Variants in COL6A3 observed in about 807,000 individuals in gnomAD.
COL6A3 encodes collagen type VI alpha 3 chain, also known as collagen alpha-3(VI) chain.
COL6A3 carries 137 observed loss-of-function variants against 274.1 expected under a neutral mutation model. The observed-to-expected ratio is 0.50, with a 90% CI of 0.44 to 0.58. COL6A3 has a LOEUF of 0.58. Among genes scored for constraint, COL6A3 ranks in the 20% least tolerant of loss-of-function variants. The pLI is 0.00. For synonymous variants in COL6A3, 1,650 were observed against 1,650.6 expected, an observed-to-expected ratio of 1.00 and a Z score of 0.01; for missense variants, 3,950 against 4,124.9, an observed-to-expected ratio of 0.96 and a Z score of 1.16.
At chr2:237,384,902 C>T (rs1668292789) in intron 4 of COL6A3, among the ~76,000 whole-genome samples, 1 of 152,142 alleles carries the variant, frequency 6.6e-6, no homozygotes, top group African/African-American at 2.4e-5. Flanking sequence ...GAACCTCAGG[C>T]TCCCTGTCCA....
chr2:237,336,773 C>A (rs1700574597), intron 39 of COL6A3, among the ~76,000 whole-genome samples: 2 of 152,058 alleles, frequency 1.3e-5, no homozygotes, highest in South Asian at 4.1e-4. Context: ...TATTGTTCTA[C>A]AAAAACATCT....
chr2:237,399,156 C>T (rs75982045), intron 1 of COL6A3, among the ~76,000 whole-genome samples: 397 of 152,254 alleles, frequency 2.6e-3, no homozygotes, highest in African/African-American at 9.0e-3. Context: ...GAAAACCCCA[C>T]GATTCCATAG....
chr2:237,388,257 A>C, intron 3 of COL6A3, 73 bp from the exon 4 acceptor site: 1 of 1,596,520 alleles, frequency 6.3e-7, no homozygotes, highest in Non-Finnish European at 8.6e-7. Context: ...CAGTGTTCTG[A>C]CATGTTTCTT....
At chr2:237,366,639 C>A (rs1238309189) in intron 11 of COL6A3, 48 bp downstream of exon 11, 2 of 1,614,034 alleles carry the variant, frequency 1.2e-6, no homozygotes, top group Admixed American at 1.7e-5. Context: ...TAAAGAGGCA[C>A]AAATGTCAAC....
Position 237,384,601 on chromosome 2 carries a change from C to A in COL6A3, c.1312+2981G>T, listed in dbSNP as rs139008893. Among the ~76,000 whole-genome samples, 572 of 152,238 alleles carry A rather than the reference C, an allele frequency of 3.8e-3. 1 individual carries two copies. Among genetic ancestry groups the A allele is most frequent in the Non-Finnish European group, 5.7e-3 (391 of 68,020 alleles). On this transcript the variant is annotated intron_variant, in intron 4 of 43. Coordinates refer to ENST00000295550, the MANE Select transcript of COL6A3 (RefSeq NM_004369.4). ...GGAACTCCAGACCCCCATCAGGAGA[C>A]CTGTGCCTGCCCACCATCCTCCCAT...
Position 237,368,930 on chromosome 2 carries a change from C to A in COL6A3, c.4533G>T (p.Gly1511=), listed in dbSNP as rs2645774. 366,782 of 1,613,952 alleles carry A rather than the reference C, an allele frequency of 0.23. 42,768 individuals are homozygous for A. Among genetic ancestry groups the A allele is most frequent in the Admixed American group, 0.31 (18,786 of 60,014 alleles). ...GAGCCTTGCCAGTGTTCAGTGGGGA[C>A]CCCCCTCTGAGCCTCAGGCGCCGTA... is the stretch of plus-strand genomic sequence containing the variant. The part of the protein sequence containing the change: ...DAIRRLRLRG[G]SPLNTGKALE... The change falls in exon 10 of 44, where the codon GGG becomes GGT. Residue 1511 remains glycine, a synonymous_variant. Coordinates refer to ENST00000295550, the MANE Select transcript of COL6A3 (RefSeq NM_004369.4). This position sits in a 1 kb window ranked among gnomAD's most constrained non-coding sequence, Gnocchi z 4.4.
chr2:237,377,187 C>G lies in COL6A3; in HGVS notation c.2655G>C (p.Lys885Asn). ...GGTGCTCATCAAAACGGGACTCCAC[C>G]TTGACATCATCGCTGTACTGAGCCA... ...IAVAQYSDDVKVESRFDEHQS... is the reference protein window; with the variant it reads ...IAVAQYSDDVNVESRFDEHQS... The change falls in exon 7 of 44, where the codon AAG becomes AAC. Residue 885 changes from lysine (K) to asparagine (N), a missense_variant. By Grantham distance (94) the Lys-to-Asn change is moderately conservative. This residue lies in a region of COL6A3 where 1,934 missense variants were observed against 1,984.3 expected (regional missense o/e 0.97). Transcript: ENST00000295550. 6.2e-7 allele frequency: 1 copy of G among 1,614,162 alleles called. No individual in the cohort carries two copies. Among genetic ancestry groups the G allele is most frequent in the South Asian group, 1.1e-5 (1 of 91,080 alleles).
intron 37 of COL6A3, 88 bp from the exon 38 acceptor site, chr2:237,341,238 A>G (rs1406849663): frequency 7.6e-7 from 1 of 1,312,048 alleles, no homozygotes; most frequent in Non-Finnish European, 1.1e-6. Flanking sequence ...TTGGGCGATT[A>G]AAATGATCAC....
chr2:237,380,413 A>T (rs1428804477), intron 5 of COL6A3, among the ~76,000 whole-genome samples: 1 of 152,254 alleles, frequency 6.6e-6, no homozygotes, highest in Non-Finnish European at 1.5e-5. Flanking sequence ...ACACTTAGCC[A>T]TTCAATATGC....
chr2:237,400,196 A>G (rs1233840302), intron 1 of COL6A3, among the ~76,000 whole-genome samples: 2 of 152,260 alleles, frequency 1.3e-5, no homozygotes, highest in African/African-American at 2.4e-5. Context: ...CACAGATTAC[A>G]GCATGTAAAG....
chr2:237,351,172 A>G lies in COL6A3; in HGVS notation c.6774T>C (p.Gly2258=). 2 of 1,614,208 alleles carry G rather than the reference A, an allele frequency of 1.2e-6. No individual in the cohort carries two copies. Among genetic ancestry groups the G allele is most frequent in the Non-Finnish European group, 8.5e-7 (1 of 1,180,028 alleles). ...SGPRGSGGAA[G]APGERGRTGP... The stretch of plus-strand genomic sequence containing the variant: ...CGGTTCTGCCTCGTTCTCCAGGAGC[A>G]CCAGCGGCACCTCCGCTTCCCTGGA... Residue 2258 remains glycine, a synonymous_variant, in exon 27 of 44, where the codon GGT becomes GGC. Coordinates refer to ENST00000295550, the MANE Select transcript of COL6A3 (RefSeq NM_004369.4).
At chr2:237,403,687 A>G (rs904657973) in intron 1 of COL6A3, among the ~76,000 whole-genome samples, 1 of 152,114 alleles carries the variant, frequency 6.6e-6, no homozygotes, top group Non-Finnish European at 1.5e-5. Context: ...AATGTAGAAG[A>G]GCAGTCTCCA....
At chr2:237,363,123 A>C in intron 14 of COL6A3, 130 bp downstream of exon 14, 2 of 928,088 alleles carry the variant, frequency 2.2e-6, no homozygotes, top group Non-Finnish European at 3.4e-6. Context: ...TGAATTAAAT[A>C]AATTTAACTA....
intron 17 of COL6A3, 118 bp downstream of exon 17, chr2:237,359,970 C>T: frequency 9.7e-7 from 1 of 1,030,160 alleles, no homozygotes; most frequent in Non-Finnish European, 1.5e-6. Context: ...AGGTCACGGG[C>T]TGCTGAATGC....
Position 237,413,087 on chromosome 2 carries a change from G to A in COL6A3, c.-31+866C>T, listed in dbSNP as rs569377260. 6.6e-5 allele frequency among the ~76,000 whole-genome samples: 10 copies of A among 152,272 alleles called. No individual in the cohort carries two copies. Among genetic ancestry groups the A allele is most frequent in the Admixed American group, 4.6e-4 (7 of 15,308 alleles). ...CCCAAACAGGCTGGCCACTGTCAGCGAACGTGTCCATCCTCAGCAAGAGAG... is the reference window on the plus strand; with the variant it reads ...CCCAAACAGGCTGGCCACTGTCAGCAAACGTGTCCATCCTCAGCAAGAGAG... On this transcript the variant is annotated intron_variant, in intron 1 of 43. Coordinates refer to ENST00000295550, the MANE Select transcript of COL6A3 (RefSeq NM_004369.4). This position sits in a 1 kb window ranked among gnomAD's most constrained non-coding sequence, Gnocchi z 4.0.
intron 1 of COL6A3, among the ~76,000 whole-genome samples, chr2:237,412,719 G>C (rs1411692525): frequency 6.6e-6 from 1 of 152,170 alleles, no homozygotes; most frequent in Non-Finnish European, 1.5e-5. Context: ...TTAAGAATGG[G>C]ACCCTGGGGA....
intron 7 of COL6A3, among the ~76,000 whole-genome samples, chr2:237,375,418 C>T (rs149719974): frequency 7.3e-4 from 111 of 152,344 alleles, no homozygotes; most frequent in African/African-American, 2.1e-3. Flanking sequence ...TCCCTTAGAA[C>T]CTGCAGAAAG....
intron 17 of COL6A3, 93 bp from the exon 18 acceptor site, chr2:237,359,481 C>T (rs1216720604): frequency 7.7e-7 from 1 of 1,295,490 alleles, no homozygotes; most frequent in African/African-American, 1.5e-5. Flanking sequence ...CCACTCCACC[C>T]CATTTGAATG....
chr2:237,373,706 C>G (rs1042778474), intron 8 of COL6A3, among the ~76,000 whole-genome samples: 5 of 152,150 alleles, frequency 3.3e-5, no homozygotes, highest in East Asian at 3.9e-4. Context: ...ACTGTGAACC[C>G]CCCCCACCCG....
Sources: gnomAD v4.1 joint callset for allele counts (sites outside exome capture counted in the v4.1 genomes callset) on GRCh38, gnomAD v4.1.1 for gene constraint, gnomAD v4.1.1 regional missense constraint, Gnocchi (gnomAD v3.1) non-coding constraint, MANE v1.5 for transcripts, NCBI Gene and HGNC (gene_info 2026-07-23, HGNC 2026-07-21) for gene names.